Variants in KIAA1217 observed in about 807,000 individuals in gnomAD.
KIAA1217 encodes the protein KIAA1217.
In KIAA1217, 88 loss-of-function variants were observed where a neutral mutation model predicts 163.9. The ratio of observed to expected loss-of-function variants is 0.54; its 90% CI spans 0.45 to 0.64. KIAA1217 has a LOEUF of 0.64. Among genes scored for constraint, KIAA1217 ranks in the 30% least tolerant of loss-of-function variants. KIAA1217 has a pLI of 0.00. For missense variants in KIAA1217, 2,372 were observed against 2,475.0 expected, an observed-to-expected ratio of 0.96 and a Z score of 0.88; for synonymous variants, 903 against 923.1, an observed-to-expected ratio of 0.98 and a Z score of 0.39.
At chr10:24,035,800 G>A (rs948989317) in intron 2 of KIAA1217, among the ~76,000 whole-genome samples, 2 of 152,192 alleles carry the variant, frequency 1.3e-5, no homozygotes, top group African/African-American at 4.8e-5. Context: ...TTCATGTGCT[G>A]CCAAAAAAGC....
chr10:24,349,414 C>T (rs906283034), intron 2 of KIAA1217, among the ~76,000 whole-genome samples: 16 of 152,150 alleles, frequency 1.1e-4, no homozygotes, highest in African/African-American at 3.1e-4. Flanking sequence ...ATTTGTTGGA[C>T]ACCAACTAGG....
chr10:23,982,757 T>C (rs1845825549), intron 1 of KIAA1217, among the ~76,000 whole-genome samples: 1 of 151,786 alleles, frequency 6.6e-6, no homozygotes, highest in African/African-American at 2.4e-5. Flanking sequence ...AGAGACAGGG[T>C]TTCAGCAGGT....
chr10:24,208,028 G>T (rs896291066), upstream of KIAA1217, among the ~76,000 whole-genome samples: 53 of 149,306 alleles, frequency 3.5e-4, no homozygotes, highest in African/African-American at 1.2e-3. Context: ...GCTACTACAG[G>T]TTACAAAATC....
intron 1 of KIAA1217, among the ~76,000 whole-genome samples, chr10:23,973,086 A>C (rs2131396183): frequency 6.6e-6 from 1 of 152,336 alleles, no homozygotes; most frequent in Non-Finnish European, 1.5e-5. Context: ...TAGAAAAGAA[A>C]AGTTTCCATT....
intron 1 of KIAA1217, among the ~76,000 whole-genome samples, chr10:23,766,234 C>T (rs2130868789): frequency 6.6e-6 from 1 of 152,324 alleles, no homozygotes; most frequent in South Asian, 2.1e-4. Context: ...GCAGCTGTCA[C>T]TAGTGGCATG....
intron 1 of KIAA1217, among the ~76,000 whole-genome samples, chr10:23,940,460 C>CAAAAAAAAAAAAA (rs760090400): frequency 1.3e-4 from 6 of 46,022 alleles, no homozygotes; most frequent in African/African-American, 3.2e-4. Flanking sequence ...GACTCCGTCT[C>CAAAAAAAAAAAAA]AAAAAAAAAA....
chr10:23,753,497 A>G (rs1195803703), intron 1 of KIAA1217, among the ~76,000 whole-genome samples: 2 of 152,212 alleles, frequency 1.3e-5, no homozygotes, highest in South Asian at 2.1e-4. Flanking sequence ...TAATAGTTTT[A>G]TAAGATTTAG....
At chr10:23,906,451 G>A (rs1189325548) in intron 1 of KIAA1217, among the ~76,000 whole-genome samples, 5 of 152,060 alleles carry the variant, frequency 3.3e-5, no homozygotes, top group African/African-American at 1.2e-4. Flanking sequence ...TTTTGTAGAT[G>A]GTCAGGGTTT....
intron 14 of KIAA1217, among the ~76,000 whole-genome samples, chr10:24,529,005 T>C (rs1218527694): frequency 6.6e-6 from 1 of 152,222 alleles, no homozygotes; most frequent in Non-Finnish European, 1.5e-5. Flanking sequence ...ACGCGTCTTA[T>C]TCTGATCTTA....
intron 1 of KIAA1217, among the ~76,000 whole-genome samples, chr10:23,907,236 T>G (rs951375615): frequency 6.0e-5 from 9 of 151,040 alleles, no homozygotes; most frequent in African/African-American, 2.2e-4. Flanking sequence ...TTCTTCAACA[T>G]TTTTTTTGAG....
intron 2 of KIAA1217, among the ~76,000 whole-genome samples, chr10:24,201,906 G>GC (rs1197927630): frequency 7.6e-6 from 1 of 131,900 alleles, no homozygotes; most frequent in Non-Finnish European, 1.7e-5. Flanking sequence ...CCTCTCGAGC[G>GC]CCCCCAACCT....
At chr10:23,959,158 G>T (rs1259382889) in intron 1 of KIAA1217, among the ~76,000 whole-genome samples, 2 of 151,970 alleles carry the variant, frequency 1.3e-5, no homozygotes, top group Non-Finnish European at 2.9e-5. Context: ...CATATTTGGG[G>T]GCTGTAGGTC....
chr10:23,778,126 G>A (rs893583697), intron 1 of KIAA1217, among the ~76,000 whole-genome samples: 10 of 152,004 alleles, frequency 6.6e-5, no homozygotes, highest in African/African-American at 2.4e-4. Context: ...ATTTTTAGTA[G>A]AGACAAGTTT....
At chr10:23,776,682 T>A (rs1189997590) in intron 1 of KIAA1217, among the ~76,000 whole-genome samples, 1 of 145,686 alleles carries the variant, frequency 6.9e-6, no homozygotes, top group African/African-American at 2.5e-5. Context: ...GTGGGTACTT[T>A]TTTTTTTTTT....
At chr10:24,110,899 C>T (rs193263640) in intron 2 of KIAA1217, among the ~76,000 whole-genome samples, 1 of 152,280 alleles carries the variant, frequency 6.6e-6, no homozygotes, top group African/African-American at 2.4e-5. Flanking sequence ...CCACCAAAAT[C>T]TATTTTTAAG....
chr10:23,798,149 A>T (rs1836297286), intron 1 of KIAA1217, among the ~76,000 whole-genome samples: 1 of 152,186 alleles, frequency 6.6e-6, no homozygotes, highest in Non-Finnish European at 1.5e-5. Flanking sequence ...AGGCAGGAAG[A>T]GGAAGTTGCC....
chr10:24,036,842 T>C (rs752153224), intron 2 of KIAA1217, among the ~76,000 whole-genome samples: 3 of 152,230 alleles, frequency 2.0e-5, no homozygotes, highest in South Asian at 4.2e-4. Flanking sequence ...ACCATCAACA[T>C]TGGAGGTTGA....
intron 2 of KIAA1217, among the ~76,000 whole-genome samples, chr10:24,338,217 T>A (rs1157003538): frequency 6.6e-6 from 1 of 152,202 alleles, no homozygotes; most frequent in Non-Finnish European, 1.5e-5. Context: ...TTCTAGGTTA[T>A]ACAGGTTATT....
intron 1 of KIAA1217, among the ~76,000 whole-genome samples, chr10:23,863,687 C>A (rs1207012868): frequency 6.6e-6 from 1 of 152,188 alleles, no homozygotes; most frequent in Non-Finnish European, 1.5e-5. Flanking sequence ...CATAGCATTA[C>A]AAATGGACTT....
Sources: gnomAD v4.1 joint callset for allele counts (sites outside exome capture counted in the v4.1 genomes callset) on GRCh38, gnomAD v4.1.1 for gene constraint, MANE v1.5 for transcripts, NCBI Gene and HGNC (gene_info 2026-07-23, HGNC 2026-07-21) for gene names.